The following SHB variants were observed in gnomAD, a reference collection of about 807,000 sequenced individuals.
SHB encodes SH2 domain containing adaptor protein B.
SHB carries 20 observed loss-of-function variants against 52.3 expected under a neutral mutation model. The ratio of observed to expected loss-of-function variants is 0.38; its 90% confidence interval spans 0.27 to 0.56. SHB has a LOEUF of 0.56. Ranked by LOEUF, SHB falls within the 20% of genes least tolerant of loss-of-function variation. The pLI, the probability that SHB is intolerant of heterozygous loss-of-function variation, is 0.71. For missense variants in SHB, 825 were observed against 723.3 expected (o/e 1.14, Z -1.61); for synonymous variants, 397 against 316.5 (o/e 1.25, Z -2.70).
At chr9:37,953,179 GA>G (rs1206243727) in intron 4 of SHB, among the ~76,000 whole-genome samples, 3 of 152,096 alleles carry the variant, frequency 2.0e-5, no homozygotes, top group African/African-American at 7.2e-5. Flanking sequence ...GTCGTCTGGG[GA>G]CCGGGGCAGA....
At chr9:37,956,844 G>A (rs1832641233) in intron 3 of SHB, among the ~76,000 whole-genome samples, 1 of 152,212 alleles carries the variant, frequency 6.6e-6, no homozygotes, top group African/African-American at 2.4e-5. Context: ...GATAATGACA[G>A]CACCCATCTC....
At chr9:37,929,039 G>A (rs1211898175) in intron 5 of SHB, among the ~76,000 whole-genome samples, 3 of 152,260 alleles carry the variant, frequency 2.0e-5, no homozygotes, top group African/African-American at 7.2e-5. Flanking sequence ...GGCAGGGCTG[G>A]AGAGGGGGGT....
At chr9:38,067,846 C>T (rs1821990355) in intron 1 of SHB, 83 bp downstream of exon 1, 3 of 1,358,636 alleles carry the variant, frequency 2.2e-6, no homozygotes, top group Middle Eastern at 5.2e-4. Context: ...AGTAGAGACT[C>T]AACACCAGAG....
At chr9:38,046,121 G>C (rs753166250) in intron 1 of SHB, among the ~76,000 whole-genome samples, 12 of 152,136 alleles carry the variant, frequency 7.9e-5, no homozygotes, top group Non-Finnish European at 1.2e-4. Flanking sequence ...CAGCTATTCA[G>C]GAGGCTGAGG....
chr9:37,985,050 A>C (rs191534465), intron 2 of SHB, among the ~76,000 whole-genome samples: 41 of 152,296 alleles, frequency 2.7e-4, no homozygotes, highest in Admixed American at 1.3e-3. Context: ...AGACTGACTA[A>C]TTGGAGTTCT....
chr9:38,030,760 C>T (rs903525322), intron 1 of SHB, among the ~76,000 whole-genome samples: 2 of 152,140 alleles, frequency 1.3e-5, no homozygotes, highest in African/African-American at 4.8e-5. Flanking sequence ...GATGACCCCT[C>T]CCCAAACACC....
intron 2 of SHB, among the ~76,000 whole-genome samples, chr9:38,008,983 T>C (rs1238251222): frequency 6.6e-6 from 1 of 152,150 alleles, no homozygotes; most frequent in African/African-American, 2.4e-5. Context: ...AGAAGGCCCT[T>C]TGCTTTCCCA....
At chr9:37,965,872 G>C (rs1467296837) in intron 3 of SHB, among the ~76,000 whole-genome samples, 1 of 152,178 alleles carries the variant, frequency 6.6e-6, no homozygotes, top group Non-Finnish European at 1.5e-5. Flanking sequence ...ACTGAGAGTT[G>C]GGGGCACAGT....
chr9:37,929,540 G>C lies in SHB; in HGVS notation c.1347-9536C>G, dbSNP rs565332705. ...GCACCTGGCTGGCTCTGTGCTGTCT[G>C]GGCTGAGCACTGAGCTAGGTTTCCC... On this transcript the variant is annotated intron_variant, in intron 5 of 5. Coordinates refer to ENST00000377707, the MANE Select transcript of SHB (RefSeq NM_003028.3). Among the ~76,000 whole-genome samples the C allele has an allele frequency of 9.2e-5, 14 of 152,304 alleles. 1 individual carries two copies. The South Asian group carries it at 2.9e-3, about 32-fold the overall frequency.
chr9:37,920,089 A>C, intron 5 of SHB, 85 bp from the exon 6 acceptor site: 1 of 1,084,800 alleles, frequency 9.2e-7, no homozygotes, highest in Non-Finnish European at 1.4e-6. Context: ...CTGGGACAGA[A>C]GGGATCCCAG....
chr9:37,978,302 A>T (rs1010299793), intron 2 of SHB, among the ~76,000 whole-genome samples: 6 of 152,236 alleles, frequency 3.9e-5, no homozygotes, highest in Non-Finnish European at 8.8e-5. Context: ...ACCTTACCAA[A>T]GCTGGACTAG....
chr9:37,925,798 C>T lies in SHB; in HGVS notation c.1347-5794G>A, dbSNP rs540999202. ...TTAAACATTTAAATCTTACATTGTG[C>T]GAAGATTCCTGGGCCAGGTTGTTGG... On this transcript the variant is annotated intron_variant, in intron 5 of 5. Transcript: ENST00000377707. Among the ~76,000 whole-genome samples, 15 of 152,308 alleles carry T rather than the reference C, an allele frequency of 9.8e-5. 3 individuals carry two copies. Among genetic ancestry groups the T allele is most frequent in the East Asian group, 5.8e-4 (3 of 5,194 alleles).
At chr9:37,967,952 G>A (rs903831568) in intron 3 of SHB, among the ~76,000 whole-genome samples, 1 of 152,200 alleles carries the variant, frequency 6.6e-6, no homozygotes, top group Non-Finnish European at 1.5e-5. Context: ...AAGAACCAGG[G>A]GACTCGTTAG....
intron 2 of SHB, among the ~76,000 whole-genome samples, chr9:37,995,520 C>T (rs1265780181): frequency 2.6e-5 from 4 of 152,202 alleles, no homozygotes; most frequent in East Asian, 1.9e-4. Flanking sequence ...TGGGTCACAG[C>T]GTGCTCCAAG....
chr9:38,041,885 T>C (rs1343471673), intron 1 of SHB, among the ~76,000 whole-genome samples: 3 of 152,242 alleles, frequency 2.0e-5, no homozygotes, highest in Admixed American at 6.5e-5. Context: ...ACTTTTTAAA[T>C]AGTGCTTTGG....
At chr9:38,009,383 G>A (rs1301252335) in intron 2 of SHB, among the ~76,000 whole-genome samples, 5 of 152,246 alleles carry the variant, frequency 3.3e-5, no homozygotes, top group South Asian at 2.1e-4. Context: ...CCGCAGAGGC[G>A]GGTAACCAAA....
At chr9:37,981,428 C>T (rs935330078) in intron 2 of SHB, among the ~76,000 whole-genome samples, 3 of 152,204 alleles carry the variant, frequency 2.0e-5, no homozygotes, top group African/African-American at 7.2e-5. Flanking sequence ...GAGTTAGGGC[C>T]TTGCTCCAGA....
At chr9:38,021,726 C>T (rs1265687284) in intron 1 of SHB, among the ~76,000 whole-genome samples, 1 of 152,064 alleles carries the variant, frequency 6.6e-6, no homozygotes, top group Non-Finnish European at 1.5e-5. Flanking sequence ...CTTCCAGGAT[C>T]GAGTGGCCCA....
At chr9:37,926,976 G>A (rs1832257618) in intron 5 of SHB, among the ~76,000 whole-genome samples, 1 of 152,238 alleles carries the variant, frequency 6.6e-6, no homozygotes, top group Admixed American at 6.5e-5. Flanking sequence ...CTTGGTCCAT[G>A]ACTGGACTAA....
Sources: gnomAD v4.1 joint callset for allele counts (sites outside exome capture counted in the v4.1 genomes callset) on GRCh38, gnomAD v4.1.1 for gene constraint, MANE v1.5 for transcripts, NCBI Gene and HGNC (gene_info 2026-07-23, HGNC 2026-07-21) for gene names.